The following SH3BGRL2 variants were observed in gnomAD, a reference collection of about 807,000 sequenced individuals.
The protein encoded by SH3BGRL2 is SH3 domain binding glutamate rich protein like 2.
In SH3BGRL2, 21 loss-of-function variants were observed where a neutral mutation model predicts 14.8. The observed-to-expected ratio is 1.42, with a 90% confidence interval of 1.01 to 2.05. The LOEUF (loss-of-function observed/expected upper bound fraction) is 2.05. Ranked by LOEUF, SH3BGRL2 falls within the 30% of genes most tolerant of loss-of-function variation. The pLI is 0.00. For missense variants in SH3BGRL2, 147 were observed against 130.8 expected, an observed-to-expected ratio of 1.12 and a Z score of -0.61; for synonymous variants, 50 against 47.8, an observed-to-expected ratio of 1.05 and a Z score of -0.19.
chr6:79,650,560 C>T lies in SH3BGRL2; in HGVS notation c.45+19054C>T, dbSNP rs543561391. On this transcript the variant is annotated intron_variant, in intron 1 of 3. Transcript: ENST00000369838. ...GGTTTCAGAAAGCATCTATTCATGC[C>T]AGGCATCACATGGAGAGAGGAAGGA... Among the ~76,000 whole-genome samples, 193 of 152,234 alleles carry T rather than the reference C, an allele frequency of 1.3e-3. 1 individual carries two copies. Among genetic ancestry groups the T allele is most frequent in the Middle Eastern group, 3.4e-3 (1 of 292 alleles).
chr6:79,616,902 T>A, the SH3BGRL2 span, among the ~76,000 whole-genome samples: 2 of 152,124 alleles, frequency 1.3e-5, no homozygotes, highest in East Asian at 3.9e-4. Flanking sequence ...ATGAAAAAAA[T>A]CAGGGCTGGG....
At chr6:79,686,419 AT>A (rs1161673541) in intron 2 of SH3BGRL2, among the ~76,000 whole-genome samples, 2 of 151,492 alleles carry the variant, frequency 1.3e-5, no homozygotes, top group Non-Finnish European at 2.9e-5. Context: ...CTCTTGACTT[AT>A]CTAGTAATTT....
chr6:79,647,829 A>G (rs539508812), intron 1 of SH3BGRL2, among the ~76,000 whole-genome samples: 1 of 152,100 alleles, frequency 6.6e-6, no homozygotes, highest in Non-Finnish European at 1.5e-5. Flanking sequence ...ATTGGAACAG[A>G]TGTTGCTTTC....
intron 1 of SH3BGRL2, among the ~76,000 whole-genome samples, chr6:79,653,847 T>C (rs1769352536): frequency 6.6e-6 from 1 of 152,202 alleles, no homozygotes; most frequent in African/African-American, 2.4e-5. Context: ...GAGCCATGTA[T>C]GTTGCATTGT....
At chr6:79,651,805 G>T (rs1016501970) in intron 1 of SH3BGRL2, among the ~76,000 whole-genome samples, 2 of 152,160 alleles carry the variant, frequency 1.3e-5, no homozygotes, top group African/African-American at 2.4e-5. Flanking sequence ...GTGACCGTGG[G>T]TATAAATGGG....
the SH3BGRL2 span, among the ~76,000 whole-genome samples, chr6:79,577,213 T>G: frequency 6.6e-6 from 1 of 152,222 alleles, no homozygotes; most frequent in South Asian, 2.1e-4. Flanking sequence ...GAACTTTCTA[T>G]TTTGTTTCAG....
the SH3BGRL2 span, among the ~76,000 whole-genome samples, chr6:79,542,269 CTT>C: frequency 1.4e-5 from 2 of 145,856 alleles, no homozygotes; most frequent in Non-Finnish European, 1.5e-5. Flanking sequence ...CTATATCCTA[CTT>C]TTTTTTTTTT....
intron 2 of SH3BGRL2, among the ~76,000 whole-genome samples, chr6:79,692,419 G>A (rs1258422566): frequency 6.6e-6 from 1 of 152,192 alleles, no homozygotes; most frequent in Non-Finnish European, 1.5e-5. Flanking sequence ...TTTTAGACAT[G>A]AAGTCCTTGC....
chr6:79,545,298 C>CT, the SH3BGRL2 span, among the ~76,000 whole-genome samples: 6 of 152,180 alleles, frequency 3.9e-5, no homozygotes, highest in Admixed American at 2.0e-4. Flanking sequence ...TTCAGCTGTC[C>CT]TTTTGTATCC....
chr6:79,665,290 C>T (rs567819193), intron 1 of SH3BGRL2, among the ~76,000 whole-genome samples: 38 of 152,284 alleles, frequency 2.5e-4, no homozygotes, highest in Middle Eastern at 3.4e-3. Context: ...TGTTTAAATA[C>T]ATTAGCATAA....
the SH3BGRL2 span, among the ~76,000 whole-genome samples, chr6:79,579,907 C>G: frequency 6.6e-6 from 1 of 152,192 alleles, no homozygotes; most frequent in African/African-American, 2.4e-5. Context: ...AGACCCATCT[C>G]ACGTGCAGAG....
chr6:79,571,860 T>C, the SH3BGRL2 span, among the ~76,000 whole-genome samples: 4 of 152,212 alleles, frequency 2.6e-5, no homozygotes, highest in Non-Finnish European at 5.9e-5. Flanking sequence ...GCATTATGTT[T>C]GTGAGGTTTA....
At chr6:79,674,400 A>T (rs1188210710) in intron 2 of SH3BGRL2, among the ~76,000 whole-genome samples, 1 of 152,124 alleles carries the variant, frequency 6.6e-6, no homozygotes, top group Non-Finnish European at 1.5e-5. Flanking sequence ...GAAGATGAAA[A>T]AGTCACTTTC....
the SH3BGRL2 span, among the ~76,000 whole-genome samples, chr6:79,559,157 G>T: frequency 5.3e-5 from 8 of 152,250 alleles, no homozygotes; most frequent in Non-Finnish European, 1.0e-4. Flanking sequence ...GAATCTGTGA[G>T]AATATGCTTT....
At chr6:79,639,481 T>TG (rs1476634846) in intron 1 of SH3BGRL2, among the ~76,000 whole-genome samples, 3 of 151,942 alleles carry the variant, frequency 2.0e-5, no homozygotes, top group Admixed American at 1.3e-4. Flanking sequence ...CCCAGTTACT[T>TG]GGGGGGCTGA....
At chr6:79,560,098 T>C in the SH3BGRL2 span, among the ~76,000 whole-genome samples, 1 of 152,098 alleles carries the variant, frequency 6.6e-6, no homozygotes, top group Admixed American at 6.5e-5. Flanking sequence ...AGGGAATCAA[T>C]GTTGGGGGTG....
the SH3BGRL2 span, among the ~76,000 whole-genome samples, chr6:79,625,020 T>C: frequency 6.6e-6 from 1 of 151,900 alleles, no homozygotes; most frequent in South Asian, 2.1e-4. Context: ...ATTAAATAAA[T>C]AAATTAGCCA....
At chr6:79,581,571 C>T in the SH3BGRL2 span, among the ~76,000 whole-genome samples, 3 of 152,140 alleles carry the variant, frequency 2.0e-5, no homozygotes, top group African/African-American at 7.2e-5. Flanking sequence ...CAGAAAAGGC[C>T]TTTGACAAAA....
Position 79,699,689 on chromosome 6 carries a change from A to G in SH3BGRL2, c.*180A>G, listed in dbSNP as rs1363919254. 1.1e-5 allele frequency: 9 copies of G among 844,690 alleles called. No individual in the cohort carries two copies. Among genetic ancestry groups the G allele is most frequent in the Non-Finnish European group, 1.3e-5 (8 of 600,534 alleles). The allele number at this position is 844,690 out of a possible 1,614,324, so 52.3% of individuals were successfully genotyped here. A position where few individuals can be genotyped will look rare whatever the true frequency, so the allele number is the denominator to read the frequency against. The stretch of plus-strand genomic sequence containing the variant: ...AATGAGAATTGCATGATTGCTTTAA[A>G]CCAAATCAGGTGGTGGATTTTTTTT... On this transcript the variant is annotated 3_prime_UTR_variant, in exon 4 of 4. Coordinates refer to ENST00000369838, the MANE Select transcript of SH3BGRL2 (RefSeq NM_031469.4).
Sources: gnomAD v4.1 joint callset for allele counts (sites outside exome capture counted in the v4.1 genomes callset) on GRCh38, gnomAD v4.1.1 for gene constraint, MANE v1.5 for transcripts, NCBI Gene and HGNC (gene_info 2026-07-23, HGNC 2026-07-21) for gene names.